Variants in TMCC1 observed in about 807,000 individuals in gnomAD.
TMCC1 encodes the protein transmembrane and coiled-coil domain family 1, also known as transmembrane and coiled-coil domains protein 1.
TMCC1 carries 15 observed loss-of-function variants against 52.4 expected under a neutral mutation model. The observed-to-expected ratio is 0.29, with a 90% CI of 0.19 to 0.44. TMCC1 has a LOEUF of 0.44. TMCC1 is among the 20% of genes least tolerant of loss of function. The pLI is 1.00. For missense variants in TMCC1, 503 were observed against 806.0 expected (o/e 0.62, Z 4.55); for synonymous variants, 279 against 301.9 (o/e 0.92, Z 0.79).
chr3:129,728,854 A>T (rs1649130143), intron 4 of TMCC1, among the ~76,000 whole-genome samples: 1 of 152,220 alleles, frequency 6.6e-6, no homozygotes, highest in African/African-American at 2.4e-5. Context: ...CTGATTTATC[A>T]ACACAATGTC....
At chr3:129,654,826 T>C in intron 6 of TMCC1, 142 bp downstream of exon 6, 1 of 1,204,742 alleles carries the variant, frequency 8.3e-7, no homozygotes, top group Non-Finnish European at 1.1e-6. Flanking sequence ...TCTCAATCAT[T>C]TTAAGAGTAG....
At chr3:129,859,818 T>G (rs2060306258) in intron 2 of TMCC1, among the ~76,000 whole-genome samples, 1 of 152,196 alleles carries the variant, frequency 6.6e-6, no homozygotes, top group Admixed American at 6.5e-5. Context: ...CAATTTAATT[T>G]TTCCCTCTTC....
At chr3:129,859,661 C>T (rs199852097) in intron 2 of TMCC1, among the ~76,000 whole-genome samples, 6 of 31,432 alleles carry the variant, frequency 1.9e-4, no homozygotes, top group South Asian at 6.8e-3. Flanking sequence ...TACACACACA[C>T]ACACACACAC....
chr3:129,826,485 G>A (rs2058667255), intron 4 of TMCC1, among the ~76,000 whole-genome samples: 1 of 152,070 alleles, frequency 6.6e-6, no homozygotes, highest in African/African-American at 2.4e-5. Flanking sequence ...CCCAGCCTAG[G>A]TGACAGGGTA....
intron 5 of TMCC1, among the ~76,000 whole-genome samples, chr3:129,659,378 G>A (rs948279724): frequency 1.1e-4 from 16 of 151,924 alleles, no homozygotes; most frequent in Admixed American, 8.5e-4. Flanking sequence ...TACAGGTGTG[G>A]GGCACCACAC....
At chr3:129,815,105 T>C (rs1328111091) in intron 4 of TMCC1, among the ~76,000 whole-genome samples, 2 of 152,140 alleles carry the variant, frequency 1.3e-5, no homozygotes, top group Non-Finnish European at 2.9e-5. Context: ...AGAATACTCA[T>C]TCTTTTCATC....
intron 4 of TMCC1, among the ~76,000 whole-genome samples, chr3:129,684,150 G>C (rs1188122787): frequency 6.6e-6 from 1 of 152,192 alleles, no homozygotes; most frequent in East Asian, 1.9e-4. Context: ...TCAGAGACTT[G>C]TCTAGTTGTT....
chr3:129,814,238 C>T (rs1372648496), intron 4 of TMCC1, among the ~76,000 whole-genome samples: 3 of 152,148 alleles, frequency 2.0e-5, no homozygotes, highest in African/African-American at 7.2e-5. Context: ...AATTTTCCTG[C>T]AGTGTTTTAA....
Position 129,893,654 on chromosome 3 carries a change from C to A in TMCC1, c.-595G>T. 6.6e-6 allele frequency: 1 copy of A among 150,880 alleles called. No individual in the cohort carries two copies. Among genetic ancestry groups the A allele is most frequent in the South Asian group, 1.8e-4 (1 of 5,612 alleles). The allele number at this position is 150,880 out of a possible 1,614,324, so 9.3% of individuals were successfully genotyped here. ...CCGCCTCAGCCGCCGCCGCCTCAGT[C>A]ACCGCCACCGCCGCCGCCGCCTCAG... On this transcript the variant is annotated 5_prime_UTR_variant, in exon 1 of 7. Transcript: ENST00000393238.
chr3:129,666,461 G>A (rs183878794), intron 5 of TMCC1, among the ~76,000 whole-genome samples: 5 of 152,182 alleles, frequency 3.3e-5, no homozygotes, highest in Admixed American at 1.3e-4. Flanking sequence ...GTTTCTGGCC[G>A]GGCATGGTGG....
chr3:129,753,605 T>C (rs2052725128), intron 4 of TMCC1, among the ~76,000 whole-genome samples: 1 of 152,150 alleles, frequency 6.6e-6, no homozygotes. Context: ...AAAAACCAGA[T>C]GTTATATCAA....
chr3:129,659,980 A>T (rs978334530), intron 5 of TMCC1, among the ~76,000 whole-genome samples: 1 of 152,216 alleles, frequency 6.6e-6, no homozygotes, highest in Non-Finnish European at 1.5e-5. Context: ...GCTCTGTGAG[A>T]CAGATATATC....
At chr3:129,863,500 G>C (rs922481199) in intron 2 of TMCC1, among the ~76,000 whole-genome samples, 6 of 152,006 alleles carry the variant, frequency 3.9e-5, no homozygotes, top group Admixed American at 1.3e-4. Context: ...AAGGTGAAAA[G>C]AAAAAGGGGA....
chr3:129,669,894 T>C (rs1430228983), intron 5 of TMCC1, among the ~76,000 whole-genome samples: 1 of 152,200 alleles, frequency 6.6e-6, no homozygotes, highest in Non-Finnish European at 1.5e-5. Flanking sequence ...AACATTCTTA[T>C]TTGGATTTGT....
intron 4 of TMCC1, among the ~76,000 whole-genome samples, chr3:129,808,393 A>G (rs2057588693): frequency 6.6e-6 from 1 of 151,976 alleles, no homozygotes; most frequent in Non-Finnish European, 1.5e-5. Context: ...GAGGCAAGAG[A>G]ATAGCTTGAA....
chr3:129,696,726 G>T (rs2047440773), intron 4 of TMCC1, among the ~76,000 whole-genome samples: 1 of 152,206 alleles, frequency 6.6e-6, no homozygotes, highest in African/African-American at 2.4e-5. Context: ...GGGGGTACAG[G>T]CATTGGGTAA....
In TMCC1 at chr3:129,650,720, T is replaced by C. The variant is rs1178272182; in HGVS notation, c.*761A>G. On this transcript the variant is annotated 3_prime_UTR_variant, in exon 7 of 7. Transcript: ENST00000393238. ...ACATTCTTCAAGTATGCTGTTCGGA[T>C]TTTTTATTTTTAGGTTGGTAACTAT... The C allele has an allele frequency of 6.6e-6, 1 of 152,622 alleles. No individual in the cohort carries two copies. Among genetic ancestry groups the C allele is most frequent in the African/African-American group, 2.4e-5 (1 of 41,432 alleles). The allele number at this position is 152,622 out of a possible 1,614,324, so 9.5% of individuals were successfully genotyped here.
In TMCC1 at chr3:129,828,874, C is replaced by A. The variant is rs1245058015; in HGVS notation, c.-130-366G>T. ...TTGCTTGGGAAATCAAGAGAAGAGA[C>A]CATCCAATAGGTTTACTCTAGCTGA... is the stretch of plus-strand genomic sequence containing the variant. On this transcript the variant is annotated intron_variant, in intron 3 of 6. Coordinates refer to ENST00000393238, the MANE Select transcript of TMCC1 (RefSeq NM_001017395.5). This position sits in a 1 kb window ranked among gnomAD's most constrained non-coding sequence, Gnocchi z 4.1. 6.6e-6 allele frequency among the ~76,000 whole-genome samples: 1 copy of A among 152,172 alleles called. No homozygotes were observed. Among genetic ancestry groups the A allele is most frequent in the African/African-American group, 2.4e-5 (1 of 41,440 alleles).
At chr3:129,689,109 T>C (rs575566177) in intron 4 of TMCC1, among the ~76,000 whole-genome samples, 1 of 152,148 alleles carries the variant, frequency 6.6e-6, no homozygotes, top group Non-Finnish European at 1.5e-5. Flanking sequence ...AAATAGAACA[T>C]GAGTGAGAGA....
Sources: allele counts gnomAD v4.1 joint callset (sites outside exome capture counted in the v4.1 genomes callset), GRCh38; gene constraint gnomAD v4.1.1; non-coding constraint Gnocchi (gnomAD v3.1); transcripts MANE v1.5; gene names NCBI Gene and HGNC (gene_info 2026-07-23, HGNC 2026-07-21).